ASCC3: variants seen among roughly 807,000 people sequenced by gnomAD.
ASCC3 encodes the protein ASC-1 complex subunit P200.
Under a neutral mutation model 256.3 loss-of-function variants are expected in ASCC3, and 158 were observed. That is an observed-to-expected ratio of 0.62 (90% CI 0.54 to 0.70). The LOEUF (loss-of-function observed/expected upper bound fraction) is 0.70, where lower values mean the gene tolerates loss of function less well. ASCC3 is among the 30% of genes least tolerant of loss of function. The pLI, the probability that ASCC3 is intolerant of heterozygous loss-of-function variation, is 0.00. For missense variants in ASCC3, 2,259 were observed against 2,626.0 expected, an observed-to-expected ratio of 0.86 and a Z score of 3.05; for synonymous variants, 948 against 883.4, an observed-to-expected ratio of 1.07 and a Z score of -1.30.
chr6:100,584,709 C>T (rs974306769), intron 36 of ASCC3, among the ~76,000 whole-genome samples: 1 of 152,070 alleles, frequency 6.6e-6, no homozygotes, highest in Non-Finnish European at 1.5e-5. Flanking sequence ...CATGATTTTG[C>T]AGCGGCTGGT....
intron 13 of ASCC3, among the ~76,000 whole-genome samples, chr6:100,686,965 TTGG>T (rs931294595): frequency 2.0e-5 from 3 of 151,866 alleles, no homozygotes; most frequent in Non-Finnish European, 4.4e-5. Flanking sequence ...ATTTTTACTT[TTGG>T]TATCTCTTCA....
At chr6:100,697,879 C>T (rs1164210976) in intron 13 of ASCC3, among the ~76,000 whole-genome samples, 2 of 152,074 alleles carry the variant, frequency 1.3e-5, no homozygotes, top group East Asian at 1.9e-4. Flanking sequence ...CTACTATCAA[C>T]AAAGAAGTTG....
intron 10 of ASCC3, among the ~76,000 whole-genome samples, chr6:100,741,097 A>G (rs555218931): frequency 2.0e-5 from 3 of 152,288 alleles, no homozygotes; most frequent in African/African-American, 7.2e-5. Context: ...TTCCCTCAGC[A>G]TTTGCTTCTC....
intron 30 of ASCC3, among the ~76,000 whole-genome samples, chr6:100,608,118 C>CATATATATGTATATATATGTATATATATG (rs1773044100): frequency 4.3e-5 from 1 of 23,350 alleles, no homozygotes; most frequent in Non-Finnish European, 9.3e-5. Context: ...GTATATATAT[C>CATATATATGTATATATATGTATATATATG]TATATATACA....
chr6:100,624,136 T>C (rs1335884359), intron 30 of ASCC3, among the ~76,000 whole-genome samples: 2 of 150,818 alleles, frequency 1.3e-5, no homozygotes, highest in East Asian at 3.9e-4. Flanking sequence ...AAAGACACCA[T>C]GAAAAAAAGA....
chr6:100,706,709 T>C (rs1156441138), intron 13 of ASCC3, among the ~76,000 whole-genome samples: 1 of 152,052 alleles, frequency 6.6e-6, no homozygotes, highest in Non-Finnish European at 1.5e-5. Context: ...TTAGGCCAAA[T>C]AGTATTGGCA....
At chr6:100,803,121 AT>A (rs1009014006) in intron 5 of ASCC3, among the ~76,000 whole-genome samples, 2 of 151,904 alleles carry the variant, frequency 1.3e-5, no homozygotes, top group African/African-American at 4.8e-5. Context: ...GTTTAAACTC[AT>A]TTTTTTTCCT....
intron 24 of ASCC3, among the ~76,000 whole-genome samples, chr6:100,640,829 T>C (rs1052100100): frequency 1.3e-5 from 2 of 152,112 alleles, no homozygotes; most frequent in Non-Finnish European, 2.9e-5. Context: ...AGATAATGAA[T>C]AGGGTACACA....
At chr6:100,755,132 C>T (rs150060036) in intron 10 of ASCC3, among the ~76,000 whole-genome samples, 5 of 151,904 alleles carry the variant, frequency 3.3e-5, no homozygotes, top group African/African-American at 1.2e-4. Flanking sequence ...TTTCTTAAAA[C>T]TCTCAAAAGT....
chr6:100,632,624 G>C (rs555275290), intron 25 of ASCC3, among the ~76,000 whole-genome samples: 50 of 152,178 alleles, frequency 3.3e-4, no homozygotes, highest in Non-Finnish European at 5.3e-4. Context: ...GACATAAAAA[G>C]AGGCACACAG....
At chr6:100,652,280 A>ACAAATGATGTGACAAAATGAG (rs1775711281) in intron 18 of ASCC3, among the ~76,000 whole-genome samples, 1 of 152,174 alleles carries the variant, frequency 6.6e-6, no homozygotes, top group African/African-American at 2.4e-5. Flanking sequence ...TGAATAGGTG[A>ACAAATGATGTGACAAAATGAG]TGGAAGGAGT....
chr6:100,650,100 C>T (rs561747832), intron 20 of ASCC3, among the ~76,000 whole-genome samples: 9 of 151,656 alleles, frequency 5.9e-5, no homozygotes, highest in South Asian at 4.2e-4. Flanking sequence ...ATGTTTACTA[C>T]GCCTTGTTTA....
intron 34 of ASCC3, among the ~76,000 whole-genome samples, chr6:100,601,123 C>A (rs1293997760): frequency 6.6e-6 from 1 of 152,086 alleles, no homozygotes; most frequent in Non-Finnish European, 1.5e-5. Context: ...GCCTTTTCTA[C>A]TCCTGTTCCT....
intron 37 of ASCC3, among the ~76,000 whole-genome samples, chr6:100,532,399 TATATA>T (rs1774949387): frequency 4.3e-5 from 2 of 46,486 alleles, no homozygotes; most frequent in Non-Finnish European, 8.1e-5. Context: ...TATATATATA[TATATA>T]TATTTTTTTT....
intron 23 of ASCC3, among the ~76,000 whole-genome samples, chr6:100,643,138 G>A (rs192002610): frequency 3.9e-5 from 6 of 151,952 alleles, no homozygotes; most frequent in Admixed American, 3.3e-4. Context: ...ATGGAATACC[G>A]CAATCACTTG....
In ASCC3 at chr6:100,601,766, T is replaced by C. The variant is rs765116893; in HGVS notation, c.5303+44A>G. The stretch of plus-strand genomic sequence containing the variant: ...GTTTATTACTTTCAAATATGTCTTA[T>C]TTCGGGGCAAAACAGAAAGGTATAT... On this transcript the variant is annotated intron_variant, in intron 34 of 41. Transcript: ENST00000369162. 2.5e-6 allele frequency: 4 copies of C among 1,605,804 alleles called. No individual in the cohort carries two copies. The South Asian group carries it at 3.3e-5, about 13-fold the overall frequency.
intron 8 of ASCC3, among the ~76,000 whole-genome samples, chr6:100,778,556 G>A (rs779897409): frequency 3.3e-5 from 5 of 151,890 alleles, no homozygotes; most frequent in African/African-American, 4.8e-5. Context: ...CTGTATTTGT[G>A]GTCAATGGAA....
Position 100,650,731 on chromosome 6 carries a change from AT to A in ASCC3, c.3076-18del. 2 of 1,591,284 alleles carry A rather than the reference AT, an allele frequency of 1.3e-6. No individual in the cohort carries two copies. Among genetic ancestry groups the A allele is most frequent in the Non-Finnish European group, 1.7e-6 (2 of 1,161,466 alleles). On this transcript the variant is annotated intron_variant, in intron 19 of 41. Coordinates refer to ENST00000369162, the MANE Select transcript of ASCC3 (RefSeq NM_006828.4). ...TTCTCTGACCTAGAAGAATCAATGT[AT>A]TTATTGGAATTTTGGGGCTGATTTA...
At chr6:100,807,997 G>A (rs1362250136) in intron 4 of ASCC3, among the ~76,000 whole-genome samples, 1 of 151,814 alleles carries the variant, frequency 6.6e-6, no homozygotes, top group Non-Finnish European at 1.5e-5. Context: ...TCTCAAAAAT[G>A]AAAGTGAGCC....
Sources: allele counts gnomAD v4.1 joint callset (sites outside exome capture counted in the v4.1 genomes callset), GRCh38; gene constraint gnomAD v4.1.1; transcripts MANE v1.5; gene names NCBI Gene and HGNC (gene_info 2026-07-23, HGNC 2026-07-21).